TMEM272: variants seen among roughly 807,000 people sequenced by gnomAD.
TMEM272 encodes transmembrane protein 272.
TMEM272 carries 8 observed loss-of-function variants against 3.7 expected under a neutral mutation model. The ratio of observed to expected loss-of-function variants is 2.17; its 90% CI spans 1.27 to 3.91. The LOEUF is 3.91. Ranked by LOEUF, TMEM272 falls within the 30% of genes most tolerant of loss-of-function variation. The probability of loss-of-function intolerance (pLI) is 0.00; values close to 1 mark genes in which losing one functional copy is unlikely to be tolerated. For synonymous variants in TMEM272, 63 were observed against 39.8 expected (o/e 1.58, Z -2.20); for missense variants, 166 against 91.5 (o/e 1.81, Z -3.32).
chr13:51,928,834 G>A, the TMEM272 span, among the ~76,000 whole-genome samples: 1 of 152,158 alleles, frequency 6.6e-6, no homozygotes, highest in East Asian at 1.9e-4. Context: ...AGAACATGGA[G>A]CTTTGGAGCC....
At chr13:51,826,004 T>C (rs1013435708) in intron 3 of TMEM272, among the ~76,000 whole-genome samples, 43 of 151,974 alleles carry the variant, frequency 2.8e-4, no homozygotes, top group African/African-American at 9.9e-4. Context: ...CACTGACACG[T>C]GATAACAATT....
At chr13:51,856,417 C>G in the TMEM272 span, among the ~76,000 whole-genome samples, 1 of 152,012 alleles carries the variant, frequency 6.6e-6, no homozygotes. Context: ...AATCTTGTGG[C>G]CTTTCATTAG....
At chr13:51,925,173 C>T in the TMEM272 span, among the ~76,000 whole-genome samples, 1 of 152,348 alleles carries the variant, frequency 6.6e-6, no homozygotes, top group African/African-American at 2.4e-5. Flanking sequence ...CAAAACTCCA[C>T]TGCCTTCGTC....
chr13:51,907,683 C>G, the TMEM272 span, among the ~76,000 whole-genome samples: 1 of 152,244 alleles, frequency 6.6e-6, no homozygotes, highest in Admixed American at 6.5e-5. Flanking sequence ...CATACTGCCT[C>G]CCTATTCGGT....
At chr13:51,848,120 G>A (rs938859611), upstream of TMEM272, among the ~76,000 whole-genome samples, 4 of 152,286 alleles carry the variant, frequency 2.6e-5, no homozygotes, top group Non-Finnish European at 5.9e-5. Context: ...CAAGAGCCAC[G>A]GAAGAGCTGA....
the TMEM272 span, among the ~76,000 whole-genome samples, chr13:51,868,094 A>G: frequency 6.6e-6 from 1 of 152,180 alleles, no homozygotes; most frequent in Non-Finnish European, 1.5e-5. Flanking sequence ...CTGCCATCCA[A>G]CAAGAAGGTG....
chr13:51,912,783 A>T, the TMEM272 span, among the ~76,000 whole-genome samples: 3 of 152,318 alleles, frequency 2.0e-5, no homozygotes, highest in Admixed American at 2.0e-4. Flanking sequence ...TGTCCAGTGC[A>T]GTCCTGGCAC....
the TMEM272 span, among the ~76,000 whole-genome samples, chr13:51,915,795 CG>C: frequency 4.6e-5 from 7 of 152,138 alleles, no homozygotes; most frequent in Non-Finnish European, 1.0e-4. Flanking sequence ...GACACGTGGC[CG>C]GGTGCGGTGG....
the TMEM272 span, among the ~76,000 whole-genome samples, chr13:51,868,862 G>GC: frequency 6.6e-6 from 1 of 152,196 alleles, no homozygotes; most frequent in South Asian, 2.1e-4. Flanking sequence ...GCCAGAAACA[G>GC]CATCTATTGT....
chr13:51,887,422 CTATTT>C, the TMEM272 span, among the ~76,000 whole-genome samples: 1 of 152,150 alleles, frequency 6.6e-6, no homozygotes, highest in African/African-American at 2.4e-5. Context: ...CAAGTCGTCT[CTATTT>C]TGTTTCTTTT....
chr13:51,898,694 C>T, the TMEM272 span, among the ~76,000 whole-genome samples: 1 of 151,230 alleles, frequency 6.6e-6, no homozygotes, highest in East Asian at 1.9e-4. Context: ...ACAAAGCCAA[C>T]AAGAATGGCT....
In TMEM272 at chr13:51,816,802, G is replaced by T. The variant is rs546214265; in HGVS notation, c.513C>A (p.Ser171Arg). 4.3e-6 allele frequency: 3 copies of T among 702,952 alleles called. No individual in the cohort carries two copies. The highest frequency in any genetic ancestry group is 7.8e-6 in the Non-Finnish European group (3 of 384,950). 43.5% of individuals were successfully genotyped at this position (702,952 alleles called of 1,614,324 possible). ...ACCTGGAGCACAGGTAGACACAGCC[G>T]CTGCACAGCAGGAGCAAGACCAGCA... Reference protein sequence around the residue: ...HTVLVLLLLCSGCVYLCSRWR... With the variant: ...HTVLVLLLLCRGCVYLCSRWR... Residue 171 changes from serine to arginine, a missense_variant, in exon 5 of 5, where the codon AGC (serine) becomes AGA (arginine). By Grantham distance (110) the Ser-to-Arg change is moderately radical. Coordinates refer to ENST00000629372, the MANE Select transcript of TMEM272 (RefSeq NM_001351003.2).
chr13:51,906,102 G>C, the TMEM272 span, among the ~76,000 whole-genome samples: 39 of 152,176 alleles, frequency 2.6e-4, no homozygotes, highest in Non-Finnish European at 5.0e-4. Context: ...CTAGCAAATG[G>C]TGGACCAGGC....
the TMEM272 span, chr13:51,908,967 C>T: frequency 7.1e-7 from 1 of 1,406,486 alleles, no homozygotes; most frequent in Non-Finnish European, 1.0e-6. Context: ...GTCTCTTCCT[C>T]CTCCCCCTGG....
At chr13:51,821,760 A>G (rs182651393) in intron 4 of TMEM272, among the ~76,000 whole-genome samples, 1 of 151,494 alleles carries the variant, frequency 6.6e-6, no homozygotes, top group African/African-American at 2.4e-5. Flanking sequence ...ATTCAATGGT[A>G]TAACTGGCAG....
chr13:51,897,109 C>T, the TMEM272 span, among the ~76,000 whole-genome samples: 1 of 152,238 alleles, frequency 6.6e-6, no homozygotes, highest in Non-Finnish European at 1.5e-5. Flanking sequence ...ACAGAGCACA[C>T]ATTGGGTTCA....
At chr13:51,898,269 A>G in the TMEM272 span, among the ~76,000 whole-genome samples, 1 of 152,002 alleles carries the variant, frequency 6.6e-6, no homozygotes, top group Non-Finnish European at 1.5e-5. Context: ...TTAGAACAAA[A>G]GTGCAGTGCC....
the TMEM272 span, among the ~76,000 whole-genome samples, chr13:51,886,222 GA>G: frequency 6.6e-6 from 1 of 152,190 alleles, no homozygotes; most frequent in Non-Finnish European, 1.5e-5. Flanking sequence ...GCAGACTCTG[GA>G]AAAAACAAAG....
intron 3 of TMEM272, among the ~76,000 whole-genome samples, chr13:51,824,321 A>G (rs1956105078): frequency 6.6e-6 from 1 of 152,240 alleles, no homozygotes. Flanking sequence ...TCAGTTGATA[A>G]CAACTACCAA....
Sources: gnomAD v4.1 joint callset for allele counts (sites outside exome capture counted in the v4.1 genomes callset) on GRCh38, gnomAD v4.1.1 for gene constraint, MANE v1.5 for transcripts, NCBI Gene and HGNC (gene_info 2026-07-23, HGNC 2026-07-21) for gene names.